Variants in MYO1H observed in about 807,000 individuals in gnomAD.
MYO1H encodes unconventional myosin-Ih.
Under a neutral mutation model 149.3 loss-of-function variants are expected in MYO1H, and 118 were observed. That is an observed-to-expected ratio of 0.79 (90% CI 0.68 to 0.92). MYO1H has a LOEUF of 0.92. MYO1H is among the 40% of genes least tolerant of loss of function. The pLI is 0.00. For missense variants in MYO1H, 1,212 were observed against 1,280.7 expected (o/e 0.95, Z 0.82); for synonymous variants, 447 against 465.2 (o/e 0.96, Z 0.50).
intron 22 of MYO1H, among the ~76,000 whole-genome samples, chr12:109,437,323 T>C (rs1242517806): frequency 6.6e-6 from 1 of 152,156 alleles, no homozygotes; most frequent in Non-Finnish European, 1.5e-5. Context: ...CTAAATAATA[T>C]ATTTATAATT....
chr12:109,318,960 GTTTTTGGTTTTGTT>G, the MYO1H span, among the ~76,000 whole-genome samples: 38 of 77,952 alleles, frequency 4.9e-4, 2 homozygotes, highest in East Asian at 0.013. Context: ...AACTCTCTGC[GTTTTTGGTTTTGTT>G]TTTTTTTTTT....
At chr12:109,379,387 C>G (rs937824576) in intron 1 of MYO1H, among the ~76,000 whole-genome samples, 2 of 152,162 alleles carry the variant, frequency 1.3e-5, no homozygotes, top group Non-Finnish European at 2.9e-5. Context: ...GTGCAACGGT[C>G]TACATGTGTT....
At chr12:109,444,149 T>G in intron 28 of MYO1H, 64 bp from the exon 29 acceptor site, 1 of 1,286,568 alleles carries the variant, frequency 7.8e-7, no homozygotes, top group African/African-American at 1.5e-5. Flanking sequence ...GGCGTATCTC[T>G]TCTTCCTCTG....
chr12:109,333,181 G>T, the MYO1H span, among the ~76,000 whole-genome samples: 1 of 152,070 alleles, frequency 6.6e-6, no homozygotes, highest in African/African-American at 2.4e-5. Flanking sequence ...TTAGCCAGGC[G>T]TGGTGGCAGG....
chr12:109,440,907 C>A, intron 25 of MYO1H, 80 bp downstream of exon 25: 1 of 1,019,380 alleles, frequency 9.8e-7, no homozygotes. Context: ...TCCTCATCCA[C>A]CATTTCACCT....
intron 6 of MYO1H, among the ~76,000 whole-genome samples, chr12:109,403,113 G>A (rs1175214256): frequency 1.3e-5 from 2 of 152,190 alleles, no homozygotes; most frequent in Non-Finnish European, 1.5e-5. Flanking sequence ...GGACTGATTT[G>A]CATAAACCCA....
At chr12:109,405,101 C>A (rs1420021835) in intron 7 of MYO1H, among the ~76,000 whole-genome samples, 1 of 151,234 alleles carries the variant, frequency 6.6e-6, no homozygotes, top group Admixed American at 6.6e-5. Flanking sequence ...TAGTCCCAGC[C>A]ACTCAGGAGG....
At chr12:109,433,203 A>G (rs572756986) in intron 20 of MYO1H, among the ~76,000 whole-genome samples, 193 bp downstream of exon 20, 1 of 152,234 alleles carries the variant, frequency 6.6e-6, no homozygotes, top group South Asian at 2.1e-4. Flanking sequence ...TGCCGGTGGG[A>G]GGAAATGAAG....
At chr12:109,394,304 A>G (rs1297663908) in intron 3 of MYO1H, among the ~76,000 whole-genome samples, 1 of 152,216 alleles carries the variant, frequency 6.6e-6, no homozygotes, top group Non-Finnish European at 1.5e-5. Context: ...AAGTTAATTA[A>G]AAGGGACTGA....
At chr12:109,430,415 C>T (rs1871559658) in intron 19 of MYO1H, among the ~76,000 whole-genome samples, 1 of 152,156 alleles carries the variant, frequency 6.6e-6, no homozygotes, top group African/African-American at 2.4e-5. Context: ...ATCTGTCTAG[C>T]TTTGGCGGTG....
chr12:109,370,679 T>C (rs1037592067), intron 1 of MYO1H, among the ~76,000 whole-genome samples: 1 of 152,228 alleles, frequency 6.6e-6, no homozygotes, highest in African/African-American at 2.4e-5. Context: ...TTTTCCTTCT[T>C]TAACCTGTGC....
At chr12:109,440,133 C>T (rs1872053519) in intron 24 of MYO1H, among the ~76,000 whole-genome samples, 1 of 151,876 alleles carries the variant, frequency 6.6e-6, no homozygotes, top group Admixed American at 6.6e-5. Context: ...CTCCTAGGCT[C>T]AAGTGATTCT....
chr12:109,364,334 T>A (rs989616313), intron 1 of MYO1H, among the ~76,000 whole-genome samples: 1 of 152,196 alleles, frequency 6.6e-6, no homozygotes, highest in African/African-American at 2.4e-5. Flanking sequence ...CATTGTATTC[T>A]GCTGTTCTTT....
At chr12:109,418,546 T>G (rs975259080) in intron 15 of MYO1H, among the ~76,000 whole-genome samples, 3 of 151,704 alleles carry the variant, frequency 2.0e-5, no homozygotes, top group African/African-American at 4.8e-5. Flanking sequence ...GACAGGGTTT[T>G]GTTTTGTTTT....
At chr12:109,327,483 C>T in the MYO1H span, among the ~76,000 whole-genome samples, 1 of 151,708 alleles carries the variant, frequency 6.6e-6, no homozygotes, top group Admixed American at 6.6e-5. Flanking sequence ...GGTGCGACGG[C>T]TCACGCCTGT....
the MYO1H span, among the ~76,000 whole-genome samples, chr12:109,319,084 AAAC>A: frequency 1.3e-5 from 2 of 151,242 alleles, no homozygotes; most frequent in Non-Finnish European, 2.9e-5. Flanking sequence ...CGTATACCCA[AAAC>A]AATGGAAAGC....
At chr12:109,385,467 A>G (rs1869285715) in intron 1 of MYO1H, among the ~76,000 whole-genome samples, 1 of 151,826 alleles carries the variant, frequency 6.6e-6, no homozygotes, top group African/African-American at 2.4e-5. Flanking sequence ...TAGTTTTCAT[A>G]TTTTTAGTAG....
At chr12:109,328,854 T>C in the MYO1H span, among the ~76,000 whole-genome samples, 1 of 152,232 alleles carries the variant, frequency 6.6e-6, no homozygotes, top group South Asian at 2.1e-4. Flanking sequence ...ACAAATATCT[T>C]GTGGAATGAT....
At chr12:109,380,903 G>A (rs1462585445) in intron 1 of MYO1H, among the ~76,000 whole-genome samples, 6 of 152,180 alleles carry the variant, frequency 3.9e-5, no homozygotes, top group African/African-American at 2.4e-5. Context: ...GTGAGATCAC[G>A]TCATTGCACT....
Sources: allele counts gnomAD v4.1 joint callset (sites outside exome capture counted in the v4.1 genomes callset), GRCh38; gene constraint gnomAD v4.1.1; transcripts MANE v1.5; gene names NCBI Gene and HGNC (gene_info 2026-07-23, HGNC 2026-07-21).